The following PPP2R2A variants were observed in gnomAD, a reference collection of about 807,000 sequenced individuals.
PPP2R2A encodes protein phosphatase 2 regulatory subunit Balpha, also known as serine/threonine-protein phosphatase 2A 55 kDa regulatory subunit B alpha isoform.
A neutral mutation model predicts 53.2 loss-of-function variants in PPP2R2A; 9 were observed. That is an observed-to-expected ratio of 0.17 (90% CI 0.10 to 0.30). The LOEUF (loss-of-function observed/expected upper bound fraction) is 0.30, where lower values mean the gene tolerates loss of function less well. Among genes scored for constraint, PPP2R2A ranks in the 10% least tolerant of loss-of-function variants. PPP2R2A has a pLI of 1.00. For missense variants in PPP2R2A, 235 were observed against 534.6 expected (o/e 0.44, Z 5.53); for synonymous variants, 169 against 174.2 (o/e 0.97, Z 0.23).
intron 2 of PPP2R2A, among the ~76,000 whole-genome samples, chr8:26,328,519 T>G (rs1012686596): frequency 1.3e-4 from 20 of 152,226 alleles, no homozygotes; most frequent in African/African-American, 4.1e-4. Flanking sequence ...AAAGTTTCCA[T>G]GGTTTTATGC....
At chr8:26,342,312 T>G (rs892926714) in intron 3 of PPP2R2A, among the ~76,000 whole-genome samples, 1 of 152,200 alleles carries the variant, frequency 6.6e-6, no homozygotes, top group Non-Finnish European at 1.5e-5. Flanking sequence ...TTTTTATAGC[T>G]TCTAATAGCT....
In PPP2R2A at chr8:26,320,254, G is replaced by A. The variant is rs988147626; in HGVS notation, c.83-18636G>A. Among the ~76,000 whole-genome samples, 19 of 152,156 alleles carry A rather than the reference G, an allele frequency of 1.2e-4. 1 individual carries two copies. The highest frequency in any genetic ancestry group is 9.8e-4 in the Admixed American group (15 of 15,284). Reference sequence around the variant, plus strand: ...TCTTGAGTATTCATCAGCAGAAGACGAAAAAGCAGAATCCTGGTTATTTGG... The same window carrying A: ...TCTTGAGTATTCATCAGCAGAAGACAAAAAAGCAGAATCCTGGTTATTTGG... On this transcript the variant is annotated intron_variant, in intron 2 of 9. Transcript: ENST00000380737.
At chr8:26,299,618 G>T (rs2117195907) in intron 2 of PPP2R2A, among the ~76,000 whole-genome samples, 1 of 152,136 alleles carries the variant, frequency 6.6e-6, no homozygotes, top group South Asian at 2.1e-4. Flanking sequence ...TTGAAAAACA[G>T]TCCATATTAT....
intron 2 of PPP2R2A, among the ~76,000 whole-genome samples, chr8:26,325,621 A>T (rs547119180): frequency 1.3e-5 from 2 of 152,086 alleles, no homozygotes; most frequent in Non-Finnish European, 2.9e-5. Flanking sequence ...CTTGGCTTTC[A>T]TCTGTAGCTG....
In PPP2R2A at chr8:26,354,396, G is replaced by A. The variant is rs975691759; in HGVS notation, c.181-72G>A. The A allele has an allele frequency of 2.3e-6, 3 of 1,278,166 alleles. No homozygotes were observed. Among genetic ancestry groups the A allele is most frequent in the African/African-American group, 3.0e-5 (2 of 66,586 alleles). The allele number at this position is 1,278,166 out of a possible 1,614,324, so 79.2% of individuals were successfully genotyped here. ...TATTGAGAATGTGCAGGGTCCTTTG[G>A]AATTGATTACATATTTGATTATTTT... On this transcript the variant is annotated intron_variant, in intron 3 of 9. Coordinates refer to ENST00000380737, the MANE Select transcript of PPP2R2A (RefSeq NM_002717.4). This position sits in a 1 kb window ranked among gnomAD's most constrained non-coding sequence, Gnocchi z 4.6.
At position 26,330,311 on chromosome 8, in the gene PPP2R2A, T is replaced by C. The variant is rs529489882; in HGVS notation, c.83-8579T>C. Among the ~76,000 whole-genome samples the C allele has an allele frequency of 3.4e-3, 496 of 144,164 alleles. 1 individual carries two copies. Among genetic ancestry groups the C allele is most frequent in the African/African-American group, 0.012 (478 of 40,092 alleles). The allele number at this position is 144,164 out of a possible 152,430, so 94.6% of individuals were successfully genotyped here. On this transcript the variant is annotated intron_variant, in intron 2 of 9. Coordinates refer to ENST00000380737, the MANE Select transcript of PPP2R2A (RefSeq NM_002717.4). Reference sequence around the variant, plus strand: ...GTTGATGATTTATTCTTTTTTCTTTTTTTTTTTTTTTTTTTTGAGACACAG... The same window carrying C: ...GTTGATGATTTATTCTTTTTTCTTTCTTTTTTTTTTTTTTTTGAGACACAG...
intron 8 of PPP2R2A, among the ~76,000 whole-genome samples, chr8:26,364,821 C>T (rs1488354576): frequency 6.6e-6 from 1 of 152,108 alleles, no homozygotes; most frequent in African/African-American, 2.4e-5. Flanking sequence ...TTTTGTTCAA[C>T]CAATGCACAT....
At chr8:26,340,330 G>A (rs749104553) in intron 3 of PPP2R2A, among the ~76,000 whole-genome samples, 9 of 151,734 alleles carry the variant, frequency 5.9e-5, no homozygotes, top group African/African-American at 1.9e-4. Context: ...TTGACATGTC[G>A]TTTTTCAGTA....
In PPP2R2A at chr8:26,335,730, T is replaced by C. The variant is rs144729933; in HGVS notation, c.83-3160T>C. 1.1e-3 allele frequency among the ~76,000 whole-genome samples: 169 copies of C among 152,340 alleles called. 1 individual carries two copies. Among genetic ancestry groups the C allele is most frequent in the South Asian group, 2.3e-3 (11 of 4,832 alleles). On this transcript the variant is annotated intron_variant, in intron 2 of 9. Transcript: ENST00000380737. ...AGTTGACTTTTGTGGTGTAAATCTTTGGTTCTTGTCCTTTCCTGATATCCA... is the reference window on the plus strand; with the variant it reads ...AGTTGACTTTTGTGGTGTAAATCTTCGGTTCTTGTCCTTTCCTGATATCCA...
At chr8:26,350,449 G>A (rs956852374) in intron 3 of PPP2R2A, 3 of 152,214 alleles carry the variant, frequency 2.0e-5, no homozygotes, top group African/African-American at 7.2e-5. Context: ...CCAGGTTGGA[G>A]TGTGCAGTGG....
At chr8:26,302,215 G>A (rs1312644165) in intron 2 of PPP2R2A, among the ~76,000 whole-genome samples, 1 of 152,192 alleles carries the variant, frequency 6.6e-6, no homozygotes, top group Non-Finnish European at 1.5e-5. Flanking sequence ...CAAAAGAACA[G>A]TGAAACTGAT....
At chr8:26,316,995 G>T (rs1407111706) in intron 2 of PPP2R2A, among the ~76,000 whole-genome samples, 1 of 152,208 alleles carries the variant, frequency 6.6e-6, no homozygotes, top group Non-Finnish European at 1.5e-5. Flanking sequence ...TTGGGAAGAT[G>T]ATTTGTCTTG....
In PPP2R2A at chr8:26,362,458, T is replaced by C. The variant is rs1300004096; in HGVS notation, c.638-226T>C. The stretch of plus-strand genomic sequence containing the variant: ...AGTCGGAGGCTGCAGTGAGCCGAGA[T>C]TGCGCCACTGCACTCCAGCCTGGGT... On this transcript the variant is annotated intron_variant, in intron 6 of 9. Coordinates refer to ENST00000380737, the MANE Select transcript of PPP2R2A (RefSeq NM_002717.4). This position sits in a 1 kb window ranked among gnomAD's most constrained non-coding sequence, Gnocchi z 4.4. 6.6e-6 allele frequency among the ~76,000 whole-genome samples: 1 copy of C among 152,008 alleles called. No homozygotes were observed. Among genetic ancestry groups the C allele is most frequent in the East Asian group, 1.9e-4 (1 of 5,182 alleles).
intron 2 of PPP2R2A, among the ~76,000 whole-genome samples, chr8:26,313,725 A>G (rs1192983745): frequency 6.6e-6 from 1 of 152,198 alleles, no homozygotes; most frequent in Non-Finnish European, 1.5e-5. Flanking sequence ...GATAGGAGTG[A>G]TTGCAAGGAA....
intron 2 of PPP2R2A, among the ~76,000 whole-genome samples, chr8:26,318,863 G>A: frequency 6.6e-6 from 1 of 152,142 alleles, no homozygotes; most frequent in East Asian, 1.9e-4. Context: ...TTTTATTGTG[G>A]TAAAATACAC....
chr8:26,358,857 T>TGGACA, intron 4 of PPP2R2A: 1 of 450,438 alleles, frequency 2.2e-6, no homozygotes. Flanking sequence ...AAATAAGACG[T>TGGACA]GGATACATAC....
intron 2 of PPP2R2A, among the ~76,000 whole-genome samples, chr8:26,335,636 A>T (rs1217841799): frequency 1.3e-5 from 2 of 152,230 alleles, no homozygotes; most frequent in Non-Finnish European, 2.9e-5. Context: ...AACAAACACC[A>T]GTGTCTTAAA....
In PPP2R2A at chr8:26,362,500, G is replaced by A. The variant is rs1054218843; in HGVS notation, c.638-184G>A. Among the ~76,000 whole-genome samples the A allele has an allele frequency of 7.9e-5, 12 of 151,908 alleles. No individual in the cohort carries two copies. In the South Asian group the frequency reaches 1.7e-3, roughly 21 times the overall value. ...AGCCTGGGTGACAGAGTGAAACTCC[G>A]TCTAAATAAAAATTAAAAAAAAAAG... is the stretch of plus-strand genomic sequence containing the variant. On this transcript the variant is annotated intron_variant, in intron 6 of 9. Coordinates refer to ENST00000380737, the MANE Select transcript of PPP2R2A (RefSeq NM_002717.4). This position sits in a 1 kb window ranked among gnomAD's most constrained non-coding sequence, Gnocchi z 4.4.
chr8:26,359,086 TCA>T, intron 4 of PPP2R2A: 1 of 366,082 alleles, frequency 2.7e-6, no homozygotes, highest in African/African-American at 2.1e-5. Flanking sequence ...AGAAGTCACT[TCA>T]TCTCTCTGTT....
Sources: gnomAD v4.1 joint callset for allele counts (sites outside exome capture counted in the v4.1 genomes callset) on GRCh38, gnomAD v4.1.1 for gene constraint, Gnocchi (gnomAD v3.1) non-coding constraint, MANE v1.5 for transcripts, NCBI Gene and HGNC (gene_info 2026-07-23, HGNC 2026-07-21) for gene names.